The following CLNS1A variants were observed in gnomAD, a reference collection of about 807,000 sequenced individuals.
CLNS1A encodes the protein chloride nucleotide-sensitive channel 1A, also known as methylosome subunit pICln.
Under a neutral mutation model 29.4 loss-of-function variants are expected in CLNS1A, and 16 were observed. The ratio of observed to expected loss-of-function variants is 0.54; its 90% CI spans 0.37 to 0.83. The LOEUF (loss-of-function observed/expected upper bound fraction) is 0.83. Ranked by LOEUF, CLNS1A falls within the 40% of genes least tolerant of loss-of-function variation. The probability of loss-of-function intolerance (pLI) is 0.00; values close to 1 mark genes in which losing one functional copy is unlikely to be tolerated. For missense variants in CLNS1A, 235 were observed against 287.4 expected (o/e 0.82, Z 1.32); for synonymous variants, 96 against 104.8 (o/e 0.92, Z 0.51).
chr11:77,634,677 T>C (rs1959106017), intron 1 of CLNS1A, among the ~76,000 whole-genome samples: 1 of 138,840 alleles, frequency 7.2e-6, no homozygotes, highest in African/African-American at 2.8e-5. Flanking sequence ...TGAGCCAAGG[T>C]CGCGCCACTG....
Position 77,637,555 on chromosome 11 carries a change from C to A in CLNS1A, c.125+35G>T, listed in dbSNP as rs763613662. On this transcript the variant is annotated intron_variant, in intron 1 of 6. Transcript: ENST00000525428. ...TGCTCCAGCAAGGAGGAGGGCGGCG[C>A]GCAGGAGGCCAGCGCTGGGGACCAG... 3.2e-6 allele frequency: 5 copies of A among 1,577,646 alleles called. No homozygotes were observed. In the South Asian group the frequency reaches 5.8e-5, roughly 18 times the overall value.
At chr11:77,626,400 G>A (rs563529913) in intron 2 of CLNS1A, among the ~76,000 whole-genome samples, 4 of 152,266 alleles carry the variant, frequency 2.6e-5, no homozygotes, top group Admixed American at 1.3e-4. Context: ...CAGCACTTTG[G>A]GAGGCCGAGG....
intron 1 of CLNS1A, among the ~76,000 whole-genome samples, chr11:77,631,353 G>A (rs753578823): frequency 4.7e-5 from 7 of 149,792 alleles, no homozygotes; most frequent in African/African-American, 1.5e-4. Context: ...ACAGAGTCTC[G>A]GTCTGTCGCC....
chr11:77,622,478 C>T, intron 5 of CLNS1A, 22 bp downstream of exon 5: 1 of 1,554,280 alleles, frequency 6.4e-7, no homozygotes, highest in Non-Finnish European at 8.7e-7. Flanking sequence ...TCTGACTGTT[C>T]ACACTGCAAA....
intron 2 of CLNS1A, among the ~76,000 whole-genome samples, chr11:77,627,029 T>C (rs536610375): frequency 6.8e-6 from 1 of 148,084 alleles, no homozygotes; most frequent in South Asian, 2.1e-4. Flanking sequence ...TACAGAGGTA[T>C]GCCAAAGAGA....
rs181625262 is a variant in CLNS1A, at chr11:77,628,567, T to C, written c.262+1196A>G. Among the ~76,000 whole-genome samples, 157 of 152,348 alleles carry C rather than the reference T, an allele frequency of 1.0e-3. 1 individual carries two copies. The highest frequency in any genetic ancestry group is 3.5e-3 in the African/African-American group (147 of 41,580). On this transcript the variant is annotated intron_variant, in intron 2 of 6. Transcript: ENST00000525428. ...ACAAAAATATTTTCAGATAGCTGAA[T>C]CAGTCATTACCACTTAATGAGGCAG... is the stretch of plus-strand genomic sequence containing the variant.
At chr11:77,625,176 C>A in intron 3 of CLNS1A, 106 bp from the exon 4 acceptor site, 2 of 732,108 alleles carry the variant, frequency 2.7e-6, no homozygotes, top group South Asian at 3.7e-5. Flanking sequence ...TTTACAAAAT[C>A]TGCCAAATTG....
At position 77,616,006 on chromosome 11, in the gene CLNS1A, G is replaced by C. The variant is rs1958902883; in HGVS notation, c.*712C>G. The C allele has an allele frequency of 6.6e-6, 1 of 152,148 alleles. No individual in the cohort carries two copies. The highest frequency in any genetic ancestry group is 2.4e-5 in the African/African-American group (1 of 41,412). The allele number at this position is 152,148 out of a possible 1,614,324, so 9.4% of individuals were successfully genotyped here. A position where few individuals can be genotyped will look rare whatever the true frequency, so the allele number is the denominator to read the frequency against. The stretch of plus-strand genomic sequence containing the variant: ...TTGCCTTACTAAATACTTGCCAGAA[G>C]CTATAACTATATTTTCTTATTAATT... On this transcript the variant is annotated 3_prime_UTR_variant, in exon 7 of 7. Coordinates refer to ENST00000525428, the MANE Select transcript of CLNS1A (RefSeq NM_001293.3).
chr11:77,617,678 G>A (rs1187034888), intron 6 of CLNS1A, among the ~76,000 whole-genome samples: 1 of 151,974 alleles, frequency 6.6e-6, no homozygotes, highest in Non-Finnish European at 1.5e-5. Flanking sequence ...CCAGCACTTT[G>A]AGAGGCCGAG....
At chr11:77,622,331 A>C in intron 5 of CLNS1A, 169 bp downstream of exon 5, 1 of 631,042 alleles carries the variant, frequency 1.6e-6, no homozygotes, top group Non-Finnish European at 2.6e-6. Flanking sequence ...AAAAAAAATC[A>C]CTAAAAACAA....
chr11:77,619,594 T>C lies in CLNS1A; in HGVS notation c.*22+12A>G. On this transcript the variant is annotated intron_variant, in intron 6 of 6. Coordinates refer to ENST00000525428, the MANE Select transcript of CLNS1A (RefSeq NM_001293.3). ...TCATGATCAGCGACAAGGGAGAAAA[T>C]GAACTACTCACCTTAAACTTGCATA... The C allele has an allele frequency of 6.7e-7, 1 of 1,487,534 alleles. No individual in the cohort carries two copies. The highest frequency in any genetic ancestry group is 1.4e-5 in the African/African-American group (1 of 72,512). The allele number at this position is 1,487,534 out of a possible 1,614,324, so 92.1% of individuals were successfully genotyped here.
intron 3 of CLNS1A, chr11:77,625,300 G>A (rs889830707): frequency 7.6e-6 from 4 of 523,220 alleles, no homozygotes; most frequent in Non-Finnish European, 1.3e-5. Context: ...CAAGAAAAAA[G>A]GGTCAGAGTC....
Position 77,615,129 on chromosome 11 carries a change from TG to T in CLNS1A, c.*1588del, listed in dbSNP as rs1292231628. 6.6e-6 allele frequency: 1 copy of T among 152,212 alleles called. No homozygotes were observed. The highest frequency in any genetic ancestry group is 1.5e-5 in the Non-Finnish European group (1 of 68,040). 9.4% of individuals were successfully genotyped at this position (152,212 alleles called of 1,614,324 possible). The stretch of plus-strand genomic sequence containing the variant: ...TTGCTATCAGAGCAATTTATGTTCA[TG>T]GAAAGTCACAATTATAAATTTGTTC... On this transcript the variant is annotated 3_prime_UTR_variant, in exon 7 of 7. Coordinates refer to ENST00000525428, the MANE Select transcript of CLNS1A (RefSeq NM_001293.3).
chr11:77,626,498 G>T (rs1959020994), intron 2 of CLNS1A, among the ~76,000 whole-genome samples: 1 of 152,000 alleles, frequency 6.6e-6, no homozygotes, highest in Non-Finnish European at 1.5e-5. Flanking sequence ...AATTAGCAAG[G>T]CGTGGTGGCA....
rs1361985461 is a variant in CLNS1A, at chr11:77,619,618, T to TA, written c.*9dup. On this transcript the variant is annotated 3_prime_UTR_variant, in exon 6 of 7. Transcript: ENST00000525428. Reference sequence around the variant, plus strand: ...ATGAACTACTCACCTTAAACTTGCATAAATCATTTTCAGTGATCAACATCT... The same window carrying TA: ...ATGAACTACTCACCTTAAACTTGCATAAAATCATTTTCAGTGATCAACATCT... 6.2e-7 allele frequency: 1 copy of TA among 1,606,124 alleles called. No homozygotes were observed. The highest frequency in any genetic ancestry group is 1.3e-5 in the African/African-American group (1 of 74,722).
chr11:77,635,964 T>C (rs1167799519), intron 1 of CLNS1A, among the ~76,000 whole-genome samples: 1 of 152,248 alleles, frequency 6.6e-6, no homozygotes, highest in Non-Finnish European at 1.5e-5. Context: ...CTTGGTCCTC[T>C]TCTCTTCTGA....
chr11:77,628,320 T>TAA (rs1322150986), intron 2 of CLNS1A, among the ~76,000 whole-genome samples: 1 of 152,226 alleles, frequency 6.6e-6, no homozygotes, highest in Non-Finnish European at 1.5e-5. Context: ...ATGAATGCTT[T>TAA]AAACTAAACA....
chr11:77,625,100 C>CT, intron 3 of CLNS1A, 30 bp from the exon 4 acceptor site: 2 of 1,482,954 alleles, frequency 1.3e-6, no homozygotes, highest in South Asian at 1.2e-5. Flanking sequence ...TGTAACCAAT[C>CT]TTTTTTTGTA....
rs1023680463 is a variant in CLNS1A, at chr11:77,616,039, C to T, written c.*679G>A. 4 of 152,264 alleles carry T rather than the reference C, an allele frequency of 2.6e-5. No homozygotes were observed. The highest frequency in any genetic ancestry group is 4.4e-5 in the Non-Finnish European group (3 of 67,998). 9.4% of individuals were successfully genotyped at this position (152,264 alleles called of 1,614,324 possible). A position where few individuals can be genotyped will look rare whatever the true frequency, so the allele number is the denominator to read the frequency against. ...TATATTTTCTTATTAATTTCATGTTCATCTTCTCAACAAGTAAACAAAAAT... is the reference window on the plus strand; with the variant it reads ...TATATTTTCTTATTAATTTCATGTTTATCTTCTCAACAAGTAAACAAAAAT... On this transcript the variant is annotated 3_prime_UTR_variant, in exon 7 of 7. Coordinates refer to ENST00000525428, the MANE Select transcript of CLNS1A (RefSeq NM_001293.3).
Sources: gnomAD v4.1 joint callset for allele counts (sites outside exome capture counted in the v4.1 genomes callset) on GRCh38, gnomAD v4.1.1 for gene constraint, MANE v1.5 for transcripts, NCBI Gene and HGNC (gene_info 2026-07-23, HGNC 2026-07-21) for gene names.